METTL2B: variants seen among roughly 807,000 people sequenced by gnomAD.
METTL2B encodes methyltransferase 2B, tRNA N3-cytidine, also known as tRNA N(3)-cytidine methyltransferase METTL2B.
Under a neutral mutation model 51.0 loss-of-function variants are expected in METTL2B, and 28 were observed. The observed-to-expected ratio is 0.55, with a 90% CI of 0.41 to 0.75. The LOEUF is 0.75. Ranked by LOEUF, METTL2B falls within the 30% of genes least tolerant of loss-of-function variation. The pLI, the probability that METTL2B is intolerant of heterozygous loss-of-function variation, is 0.00. For synonymous variants in METTL2B, 128 were observed against 166.3 expected, an observed-to-expected ratio of 0.77 and a Z score of 1.77; for missense variants, 313 against 460.7, an observed-to-expected ratio of 0.68 and a Z score of 2.93.
intron 7 of METTL2B, among the ~76,000 whole-genome samples, chr7:128,499,600 C>CT (rs77339840): frequency 1.3e-5 from 2 of 148,402 alleles, no homozygotes; most frequent in African/African-American, 2.5e-5. Context: ...CTCACTGCAA[C>CT]GTCTGTCTCT....
Position 128,498,084 on chromosome 7 carries a change from G to T in METTL2B, c.858G>T (p.Gly286=). The change falls in exon 7 of 9, where the codon GGG becomes GGT. Residue 286 remains glycine, a synonymous_variant. Transcript: ENST00000262432. Reference sequence around the variant, plus strand: ...TGAGCAGGCTTCTGAAACCTGGGGGGATGGTACTTCTGCGAGATTACGGCC... The same window carrying T: ...TGAGCAGGCTTCTGAAACCTGGGGGTATGGTACTTCTGCGAGATTACGGCC... The part of the protein sequence containing the change: ...NRLSRLLKPG[G]MVLLRDYGRY... 6.2e-7 allele frequency: 1 copy of T among 1,614,016 alleles called. No homozygotes were observed. Among genetic ancestry groups the T allele is most frequent in the South Asian group, 1.1e-5 (1 of 91,082 alleles).
At chr7:128,501,268 C>T (rs1793025332) in intron 8 of METTL2B, 3 of 985,446 alleles carry the variant, frequency 3.0e-6, no homozygotes, top group Non-Finnish European at 3.6e-6. Context: ...CAGCCTGTCT[C>T]ACCCTCTACA....
Position 128,488,180 on chromosome 7 carries a change from T to G in METTL2B, c.669+19T>G, listed in dbSNP as rs747705746. On this transcript the variant is annotated intron_variant, in intron 5 of 8. Transcript: ENST00000262432. ...GGTCCAGGTGAGTACGATGGGAAAT[T>G]ACCTATTGGTAATTTCCACTGATTA... 6.2e-7 allele frequency: 1 copy of G among 1,612,320 alleles called. No individual in the cohort carries two copies. The highest frequency in any genetic ancestry group is 1.7e-5 in the Admixed American group (1 of 59,796).
rs1326448037 is a variant in METTL2B at position 128,505,433 on chromosome 7, AT to A, written c.*3520del. On this transcript the variant is annotated 3_prime_UTR_variant, in exon 9 of 9. Coordinates refer to ENST00000262432, the MANE Select transcript of METTL2B (RefSeq NM_018396.3). The stretch of plus-strand genomic sequence containing the variant: ...TTGGGTTTGTTGGTGTTTCTTCATG[AT>A]TTGGTTCAGGCTCTGCATTTTGGGC... 1.3e-5 allele frequency: 2 copies of A among 152,042 alleles called. No homozygotes were observed. The highest frequency in any genetic ancestry group is 2.9e-5 in the Non-Finnish European group (2 of 68,028). The allele number at this position is 152,042 out of a possible 1,614,324, so 9.4% of individuals were successfully genotyped here. A position where few individuals can be genotyped will look rare whatever the true frequency, so the allele number is the denominator to read the frequency against.
intron 8 of METTL2B, chr7:128,501,420 CCTT>C (rs1411224535): frequency 5.1e-6 from 5 of 985,322 alleles, no homozygotes; most frequent in Non-Finnish European, 6.0e-6. Context: ...TTTAGGGTCA[CCTT>C]CTTTGAGCCT....
chr7:128,502,718 G>T lies in METTL2B; in HGVS notation c.*802G>T. On this transcript the variant is annotated 3_prime_UTR_variant, in exon 9 of 9. Coordinates refer to ENST00000262432, the MANE Select transcript of METTL2B (RefSeq NM_018396.3). ...GTTCGAGACCAGCGTGGCCAACATG[G>T]TGAAACCCCGTCTCTACTAAAGATA... The T allele has an allele frequency of 2.5e-6, 1 of 393,448 alleles. No individual in the cohort carries two copies. The highest frequency in any genetic ancestry group is 4.9e-6 in the Non-Finnish European group (1 of 203,500). 24.4% of individuals were successfully genotyped at this position (393,448 alleles called of 1,614,324 possible).
At chr7:128,484,231 T>TTTTTTTTTTTTG (rs1792652472) in intron 4 of METTL2B, 7 of 108,872 alleles carry the variant, frequency 6.4e-5, no homozygotes, top group East Asian at 5.1e-4. Context: ...TTTTTTTTTT[T>TTTTTTTTTTTTG]TTTTTTTTTT....
Position 128,493,848 on chromosome 7 carries a change from C to T in METTL2B, c.714C>T (p.His238=), listed in dbSNP as rs758115353. The T allele has an allele frequency of 1.4e-5, 23 of 1,612,274 alleles. No homozygotes were observed. The highest frequency in any genetic ancestry group is 1.7e-5 in the Non-Finnish European group (20 of 1,179,618). The part of the protein sequence containing the change: ...YDPSRCFAFV[H]DLCDEEKSYP... ...CTTCTCGGTGTTTTGCCTTTGTTCACGACCTGTGTGATGAAGAGAAGAGTT... is the reference window on the plus strand; with the variant it reads ...CTTCTCGGTGTTTTGCCTTTGTTCATGACCTGTGTGATGAAGAGAAGAGTT... Residue 238 remains histidine (H), a synonymous_variant, in exon 6 of 9, where the codon CAC becomes CAT. Transcript: ENST00000262432.
chr7:128,495,557 T>C (rs1563030463), intron 6 of METTL2B, among the ~76,000 whole-genome samples: 1 of 152,136 alleles, frequency 6.6e-6, no homozygotes, highest in Non-Finnish European at 1.5e-5. Flanking sequence ...TTAAAGCGAT[T>C]CTCCTGCCTC....
intron 6 of METTL2B, among the ~76,000 whole-genome samples, chr7:128,494,334 G>C (rs1792886787): frequency 6.6e-6 from 1 of 152,168 alleles, no homozygotes; most frequent in South Asian, 2.1e-4. Context: ...GAAGTAAAAA[G>C]AGTTGTTTAT....
chr7:128,479,621 G>C (rs1159845690), intron 3 of METTL2B, 108 bp downstream of exon 3: 2 of 1,208,948 alleles, frequency 1.7e-6, no homozygotes, highest in African/African-American at 1.5e-5. Flanking sequence ...GGATGATGCT[G>C]ACTAGACTTG....
intron 4 of METTL2B, among the ~76,000 whole-genome samples, chr7:128,487,081 T>C (rs1360730732): frequency 6.6e-6 from 1 of 152,226 alleles, no homozygotes; most frequent in African/African-American, 2.4e-5. Flanking sequence ...GTGTGAAACG[T>C]ATCTAATGGG....
At chr7:128,481,204 C>T (rs1056310178) in intron 4 of METTL2B, among the ~76,000 whole-genome samples, 11 of 152,196 alleles carry the variant, frequency 7.2e-5, no homozygotes, top group African/African-American at 1.9e-4. Context: ...TTAAGCAGAA[C>T]GCTTCTGACA....
chr7:128,501,451 A>G (rs1793028566), intron 8 of METTL2B: 1 of 985,262 alleles, frequency 1.0e-6, no homozygotes, highest in African/African-American at 1.7e-5. Flanking sequence ...AGATGATGAA[A>G]CCTCTTTCCT....
rs62481145 is a variant in METTL2B, at chr7:128,505,141, G to C, written c.*3225G>C. ...AAATTAGCTGGGCATGGTGGTGGGC[G>C]CCTGTAATCCCAGCTATCTGGGAGG... On this transcript the variant is annotated 3_prime_UTR_variant, in exon 9 of 9. Coordinates refer to ENST00000262432, the MANE Select transcript of METTL2B (RefSeq NM_018396.3). 1 of 149,034 alleles carries C rather than the reference G, an allele frequency of 6.7e-6. No homozygotes were observed. Among genetic ancestry groups the C allele is most frequent in the East Asian group, 1.9e-4 (1 of 5,138 alleles). 9.2% of individuals were successfully genotyped at this position (149,034 alleles called of 1,614,324 possible).
In METTL2B at chr7:128,479,319, G is replaced by T; in HGVS notation, c.364G>T (p.Glu122Ter). ...GGATTGGTTCTTGGAGAACAAGAGTGAAGTATGTGAATGTAGAAACAATGA... is the reference window on the plus strand; with the variant it reads ...GGATTGGTTCTTGGAGAACAAGAGTTAAGTATGTGAATGTAGAAACAATGA... ...LKDWFLENKS[E>*]VCECRNNEDG... is the part of the protein sequence containing the mutation. The change falls in exon 3 of 9, where the codon GAA becomes TAA. Residue 122 changes from glutamate to a stop codon, truncating the protein, a stop_gained. Transcript: ENST00000262432. LOFTEE classifies it high-confidence loss of function. The T allele has an allele frequency of 6.2e-7, 1 of 1,614,228 alleles. No individual in the cohort carries two copies. The highest frequency in any genetic ancestry group is 8.5e-7 in the Non-Finnish European group (1 of 1,180,046).
intron 5 of METTL2B, chr7:128,488,494 T>C (rs1352785287): frequency 2.2e-5 from 11 of 502,468 alleles, no homozygotes; most frequent in Non-Finnish European, 4.4e-5. Flanking sequence ...TTTACTATTA[T>C]GTATGTTATA....
At position 128,501,767 on chromosome 7, in the gene METTL2B, C is replaced by A; in HGVS notation, c.988C>A (p.Leu330Met). ...TCTTTTATTTTCCACACTAGAGGAA[C>A]TGGACACGCTTTTCACCACTGCTGG... ...TRVYFFTQEELDTLFTTAGLE... is the reference protein window; with the variant it reads ...TRVYFFTQEEMDTLFTTAGLE... Residue 330 changes from leucine to methionine, a missense_variant, in exon 9 of 9, where the codon CTG becomes ATG. Around this residue, in one of 4 missense-constraint regions of METTL2B, gnomAD observed 138 missense variants for 187.6 expected, o/e 0.74. Coordinates refer to ENST00000262432, the MANE Select transcript of METTL2B (RefSeq NM_018396.3). 1.2e-6 allele frequency: 2 copies of A among 1,614,026 alleles called. No homozygotes were observed. Among genetic ancestry groups the A allele is most frequent in the South Asian group, 1.1e-5 (1 of 91,056 alleles).
chr7:128,478,594 A>G (rs888906335), intron 2 of METTL2B, among the ~76,000 whole-genome samples: 1 of 144,766 alleles, frequency 6.9e-6, no homozygotes, highest in African/African-American at 2.6e-5. Flanking sequence ...GCTGGGCGCG[A>G]TGACTCATGC....
Sources: allele counts gnomAD v4.1 joint callset (sites outside exome capture counted in the v4.1 genomes callset), GRCh38; gene constraint gnomAD v4.1.1; regional missense constraint gnomAD v4.1.1; transcripts MANE v1.5; gene names NCBI Gene and HGNC (gene_info 2026-07-23, HGNC 2026-07-21).